The following LARS2 variants were observed in gnomAD, a reference collection of about 807,000 sequenced individuals.
LARS2 encodes the protein leucyl-tRNA synthetase 2, mitochondrial.
In LARS2, 81 loss-of-function variants were observed where a neutral mutation model predicts 116.6. The ratio of observed to expected loss-of-function variants is 0.69; its 90% CI spans 0.58 to 0.84. LARS2 has a LOEUF of 0.84. Ranked by LOEUF, LARS2 falls within the 40% of genes least tolerant of loss-of-function variation. The pLI, the probability that LARS2 is intolerant of heterozygous loss-of-function variation, is 0.00. For missense variants in LARS2, 968 were observed against 1,114.5 expected (o/e 0.87, Z 1.87); for synonymous variants, 396 against 407.2 (o/e 0.97, Z 0.33).
chr3:45,520,233 C>A lies in LARS2; in HGVS notation c.2229C>A (p.Phe743Leu). 2 of 1,612,152 alleles carry A rather than the reference C, an allele frequency of 1.2e-6. No homozygotes were observed. Among genetic ancestry groups the A allele is most frequent in the Non-Finnish European group, 1.7e-6 (2 of 1,178,392 alleles). The change falls in exon 19 of 22, where the codon TTC becomes TTA. Residue 743 changes from phenylalanine (F) to leucine (L), a missense_variant. By Grantham distance (22) the Phe-to-Leu change is conservative (BLOSUM62 0). Coordinates refer to ENST00000645846, the MANE Select transcript of LARS2 (RefSeq NM_015340.4). The part of the protein sequence containing the change: ...NSVISQVTTH[F>L]TEDFSLNSAI... ...TTTACTAATAGGTGACCACCCATTT[C>A]ACAGAGGACTTCTCACTGAATTCTG...
chr3:45,467,817 A>G (rs1322944546), intron 8 of LARS2, among the ~76,000 whole-genome samples: 1 of 152,186 alleles, frequency 6.6e-6, no homozygotes, highest in Non-Finnish European at 1.5e-5. Context: ...ATTGCTGGGC[A>G]AGGTGGCTCA....
At chr3:45,446,722 C>T (rs1699025260) in intron 6 of LARS2, among the ~76,000 whole-genome samples, 169 bp from the exon 7 acceptor site, 2 of 152,154 alleles carry the variant, frequency 1.3e-5, no homozygotes, top group South Asian at 2.1e-4. Flanking sequence ...ACATCTCTTT[C>T]CAGAATAAAT....
intron 12 of LARS2, among the ~76,000 whole-genome samples, chr3:45,489,607 G>A (rs1699876253): frequency 6.6e-6 from 1 of 152,182 alleles, no homozygotes; most frequent in Admixed American, 6.5e-5. Context: ...TGGACCAGCA[G>A]TACTGGCATC....
In LARS2 at chr3:45,548,336, T is replaced by A. The variant is rs1230613859; in HGVS notation, c.*806T>A. Reference sequence around the variant, plus strand: ...GTATACAATTTGCTGTGTAGTGAAGTGGAACCAGGCTCAGGCTGCTGGTCC... The same window carrying A: ...GTATACAATTTGCTGTGTAGTGAAGAGGAACCAGGCTCAGGCTGCTGGTCC... On this transcript the variant is annotated 3_prime_UTR_variant, in exon 22 of 22. Coordinates refer to ENST00000645846, the MANE Select transcript of LARS2 (RefSeq NM_015340.4). 2 of 152,266 alleles carry A rather than the reference T, an allele frequency of 1.3e-5. No individual in the cohort carries two copies. Among genetic ancestry groups the A allele is most frequent in the Non-Finnish European group, 2.9e-5 (2 of 68,074 alleles). 9.4% of individuals were successfully genotyped at this position (152,266 alleles called of 1,614,324 possible).
chr3:45,511,965 G>A (rs556728034), intron 15 of LARS2, among the ~76,000 whole-genome samples: 6 of 151,920 alleles, frequency 3.9e-5, no homozygotes, highest in African/African-American at 1.4e-4. Flanking sequence ...TAGTAGAGAC[G>A]GGGTTTCACC....
At chr3:45,458,514 A>G (rs574297279) in intron 7 of LARS2, among the ~76,000 whole-genome samples, 1 of 152,272 alleles carries the variant, frequency 6.6e-6, no homozygotes, top group South Asian at 2.1e-4. Flanking sequence ...AACATAGTGA[A>G]ACCCCATCTC....
intron 13 of LARS2, among the ~76,000 whole-genome samples, chr3:45,494,231 T>C (rs1339495759): frequency 3.3e-5 from 5 of 152,186 alleles, no homozygotes; most frequent in Non-Finnish European, 5.9e-5. Flanking sequence ...GCTCAGCCAC[T>C]GCATTTAACC....
chr3:45,389,963 A>G (rs907493944), intron 1 of LARS2, among the ~76,000 whole-genome samples: 9 of 152,188 alleles, frequency 5.9e-5, no homozygotes, highest in African/African-American at 1.9e-4. Flanking sequence ...TACTGACTAT[A>G]TGTTGATTCT....
intron 20 of LARS2, among the ~76,000 whole-genome samples, chr3:45,536,541 C>T (rs1335257646): frequency 6.6e-6 from 1 of 152,194 alleles, no homozygotes; most frequent in African/African-American, 2.4e-5. Flanking sequence ...CAGGAGCACT[C>T]GGAGCCCTGG....
At chr3:45,394,384 G>A in intron 2 of LARS2, 49 bp from the exon 3 acceptor site, 2 of 1,019,702 alleles carry the variant, frequency 2.0e-6, no homozygotes, top group Non-Finnish European at 1.5e-6. Context: ...GATAAGCTCT[G>A]GGGAGGGTTT....
intron 6 of LARS2, among the ~76,000 whole-genome samples, chr3:45,425,895 CT>C (rs71095035): frequency 0.34 from 47,787 of 138,656 alleles, 9,408 homozygotes; most frequent in Non-Finnish European, 0.46. Context: ...TCTTATAAGC[CT>C]TTTTTTTTTT....
At chr3:45,446,137 T>G (rs1205323545) in intron 6 of LARS2, among the ~76,000 whole-genome samples, 1 of 152,254 alleles carries the variant, frequency 6.6e-6, no homozygotes, top group Non-Finnish European at 1.5e-5. Flanking sequence ...ATCATTCATT[T>G]CTGCGTTAGT....
intron 9 of LARS2, among the ~76,000 whole-genome samples, chr3:45,476,083 C>T (rs778509011): frequency 8.3e-5 from 12 of 143,788 alleles, no homozygotes; most frequent in Middle Eastern, 3.7e-3. Context: ...TTTTTTTTAC[C>T]GTACCCTTAT....
intron 6 of LARS2, among the ~76,000 whole-genome samples, chr3:45,423,187 G>GATCCT (rs1247432367): frequency 6.6e-6 from 1 of 152,136 alleles, no homozygotes; most frequent in East Asian, 1.9e-4. Context: ...TGATCCTCAT[G>GATCCT]TATGATAAGA....
At chr3:45,411,475 A>G (rs1698330392) in intron 4 of LARS2, among the ~76,000 whole-genome samples, 1 of 152,246 alleles carries the variant, frequency 6.6e-6, no homozygotes, top group Admixed American at 6.5e-5. Flanking sequence ...CCATAACCCT[A>G]TCCTGAGACT....
At chr3:45,403,552 A>G (rs950652071) in intron 4 of LARS2, among the ~76,000 whole-genome samples, 47 of 152,104 alleles carry the variant, frequency 3.1e-4, no homozygotes, top group African/African-American at 1.1e-3. Flanking sequence ...CTGACCTCAG[A>G]TGATCCGCCC....
chr3:45,490,576 A>G lies in LARS2; in HGVS notation c.1240-941A>G, dbSNP rs1699899026. Among the ~76,000 whole-genome samples the G allele has an allele frequency of 3.3e-5, 5 of 152,376 alleles. No homozygotes were observed. The South Asian group carries it at 8.3e-4, about 25-fold the overall frequency. ...ATCACGACTGTGATAATGGGAGTGC[A>G]GAAAGACACTTCAGACCATTCATGA... On this transcript the variant is annotated intron_variant, in intron 12 of 21. Transcript: ENST00000645846.
chr3:45,484,622 A>ATATATGTATATATATATATATATATAT (rs1389176183), intron 10 of LARS2, among the ~76,000 whole-genome samples: 1 of 15,060 alleles, frequency 6.6e-5, no homozygotes, highest in Non-Finnish European at 2.3e-4. Context: ...AAAAAAAAAA[A>ATATATGTATATATATATATATATATAT]AAAAAAAAAT....
chr3:45,426,449 G>T (rs1214920595), intron 6 of LARS2, among the ~76,000 whole-genome samples: 1 of 152,156 alleles, frequency 6.6e-6, no homozygotes, highest in African/African-American at 2.4e-5. Context: ...TGGATTACTT[G>T]TTCTCCCTCA....
Sources: allele counts gnomAD v4.1 joint callset (sites outside exome capture counted in the v4.1 genomes callset), GRCh38; gene constraint gnomAD v4.1.1; transcripts MANE v1.5; gene names NCBI Gene and HGNC (gene_info 2026-07-23, HGNC 2026-07-21).